PLAT: variants seen among roughly 807,000 people sequenced by gnomAD.
The protein encoded by PLAT is tissue-type plasminogen activator.
PLAT carries 48 observed loss-of-function variants against 74.9 expected under a neutral mutation model. That is an observed-to-expected ratio of 0.64 (90% confidence interval 0.51 to 0.82). The LOEUF (loss-of-function observed/expected upper bound fraction) is 0.82, where lower values mean the gene tolerates loss of function less well. Among genes scored for constraint, PLAT ranks in the 40% least tolerant of loss-of-function variants. The pLI is 0.00. For missense variants in PLAT, 673 were observed against 736.2 expected (o/e 0.91, Z 0.99); for synonymous variants, 307 against 294.4 (o/e 1.04, Z -0.44).
At chr8:42,180,719 C>T (rs1564127031) in intron 9 of PLAT, 34 bp from the exon 10 acceptor site, 1 of 1,491,626 alleles carries the variant, frequency 6.7e-7, no homozygotes, top group East Asian at 2.3e-5. Flanking sequence ...CAGTCAGTCC[C>T]ACAGGCCTCC....
At chr8:42,191,312 C>G (rs1478829047) in intron 3 of PLAT, 60 bp downstream of exon 3, 1 of 1,431,990 alleles carries the variant, frequency 7.0e-7, no homozygotes, top group African/African-American at 1.4e-5. Flanking sequence ...GGTGATGCAC[C>G]CTGCACCCCG....
intron 1 of PLAT, chr8:42,195,784 A>G (rs1805882463): frequency 6.6e-6 from 1 of 151,882 alleles, no homozygotes; most frequent in Non-Finnish European, 1.5e-5. Context: ...CTCCCTCCCC[A>G]TTTCTCCTTG....
Position 42,176,035 on chromosome 8 carries a change from A to G in PLAT, c.1647T>C (p.Val549=). The G allele has an allele frequency of 1.2e-6, 2 of 1,614,090 alleles. No homozygotes were observed. Among genetic ancestry groups the G allele is most frequent in the Non-Finnish European group, 1.7e-6 (2 of 1,180,006 alleles). The change falls in exon 14 of 14, where the codon GTT becomes GTC. Residue 549 remains valine, a synonymous_variant. Coordinates refer to ENST00000220809, the MANE Select transcript of PLAT (RefSeq NM_000930.5). ...CACGAATCCAGTCTAGGTAGTTGGTAACCTTGGTGTACACACCCGGGACAT... is the reference window on the plus strand; with the variant it reads ...CACGAATCCAGTCTAGGTAGTTGGTGACCTTGGTGTACACACCCGGGACAT... ...QKDVPGVYTK[V]TNYLDWIRDN...
chr8:42,200,501 C>T (rs77562826), intron 1 of PLAT, among the ~76,000 whole-genome samples: 1 of 142,406 alleles, frequency 7.0e-6, no homozygotes, highest in African/African-American at 2.5e-5. Flanking sequence ...ATGGCAAAAC[C>T]CCATCTCAAC....
At chr8:42,187,055 C>A in intron 6 of PLAT, 2 of 195,872 alleles carry the variant, frequency 1.0e-5, no homozygotes, top group Non-Finnish European at 2.1e-5. Flanking sequence ...CATCTATCTA[C>A]CATCTATCAT....
chr8:42,182,167 G>A lies in PLAT; in HGVS notation c.804-145C>T, dbSNP rs577826651. 1.6e-3 allele frequency: 913 copies of A among 581,432 alleles called. 5 individuals are homozygous for A. Among genetic ancestry groups the A allele is most frequent in the South Asian group, 4.9e-3 (264 of 53,922 alleles). The allele number at this position is 581,432 out of a possible 1,614,324, so 36.0% of individuals were successfully genotyped here. On this transcript the variant is annotated intron_variant, in intron 8 of 13. Transcript: ENST00000220809. ...CTGCCTCAGCCTCCCAAAGTGCTGG[G>A]ATTACAGGCATGCACCACCACACCA... is the stretch of plus-strand genomic sequence containing the variant.
intron 1 of PLAT, among the ~76,000 whole-genome samples, chr8:42,200,083 T>C (rs769031558): frequency 2.0e-5 from 3 of 152,246 alleles, no homozygotes; most frequent in Non-Finnish European, 4.4e-5. Context: ...ACATTATTGT[T>C]GCCTGAGAAA....
chr8:42,181,602 G>A (rs552811029), intron 9 of PLAT, among the ~76,000 whole-genome samples: 1 of 152,310 alleles, frequency 6.6e-6, no homozygotes, highest in Non-Finnish European at 1.5e-5. Flanking sequence ...TATTATCTAA[G>A]GAGCCATGCA....
chr8:42,199,315 A>G (rs1298707632), intron 1 of PLAT, among the ~76,000 whole-genome samples: 1 of 152,144 alleles, frequency 6.6e-6, no homozygotes, highest in Admixed American at 6.6e-5. Flanking sequence ...AGAGTATAGC[A>G]TCCTCTCAGA....
intron 1 of PLAT, among the ~76,000 whole-genome samples, chr8:42,198,611 T>C (rs762627743): frequency 8.5e-5 from 13 of 152,234 alleles, no homozygotes; most frequent in Non-Finnish European, 1.9e-4. Context: ...GTCTGTACTC[T>C]TGCCAGCAAG....
chr8:42,186,730 CTCTA>C (rs1563257139), intron 6 of PLAT: 1 of 152,062 alleles, frequency 6.6e-6, no homozygotes, highest in Non-Finnish European at 1.5e-5. Flanking sequence ...CTTTCTCTAT[CTCTA>C]TCTCTCTATC....
intron 6 of PLAT, 122 bp downstream of exon 6, chr8:42,187,276 T>C (rs1239642830): frequency 1.4e-6 from 1 of 708,980 alleles, no homozygotes; most frequent in Non-Finnish European, 2.2e-6. Flanking sequence ...CTATCATCTA[T>C]CCATCTATCC....
intron 1 of PLAT, among the ~76,000 whole-genome samples, chr8:42,196,677 C>T (rs1805921349): frequency 1.3e-5 from 2 of 151,976 alleles, no homozygotes; most frequent in South Asian, 4.2e-4. Context: ...TGGGCCTCAC[C>T]AAAGGGAGGT....
chr8:42,197,417 G>C (rs1173734975), intron 1 of PLAT, among the ~76,000 whole-genome samples: 1 of 152,200 alleles, frequency 6.6e-6, no homozygotes, highest in African/African-American at 2.4e-5. Flanking sequence ...GGGGAAAACG[G>C]GAACAATAGT....
intron 1 of PLAT, among the ~76,000 whole-genome samples, chr8:42,196,996 T>A (rs1206438493): frequency 2.0e-5 from 3 of 151,772 alleles, no homozygotes; most frequent in Non-Finnish European, 4.4e-5. Context: ...AGAGGAGAGG[T>A]GGAATGCTGG....
At chr8:42,200,832 CTT>C (rs939148071) in intron 1 of PLAT, among the ~76,000 whole-genome samples, 1 of 146,916 alleles carries the variant, frequency 6.8e-6, no homozygotes, top group Non-Finnish European at 1.5e-5. Context: ...CCAATTGTAA[CTT>C]TTTTTTTTTT....
chr8:42,187,846 GGGC>G (rs1353226980), intron 5 of PLAT, 57 bp downstream of exon 5: 2 of 1,183,138 alleles, frequency 1.7e-6, no homozygotes, highest in Non-Finnish European at 2.5e-6. Flanking sequence ...TTCCTTCCGG[GGGC>G]GGGGGAGACT....
At chr8:42,190,391 AT>A (rs1485210156) in intron 3 of PLAT, among the ~76,000 whole-genome samples, 1 of 152,196 alleles carries the variant, frequency 6.6e-6, no homozygotes, top group African/African-American at 2.4e-5. Flanking sequence ...TTCTCCAAGT[AT>A]TTTTGGCATA....
chr8:42,177,497 C>T (rs1397662461), intron 13 of PLAT, among the ~76,000 whole-genome samples: 1 of 152,152 alleles, frequency 6.6e-6, no homozygotes, highest in African/African-American at 2.4e-5. Context: ...GGCTTGGCTC[C>T]ATCACTTACT....
Sources: gnomAD v4.1 joint callset for allele counts (sites outside exome capture counted in the v4.1 genomes callset) on GRCh38, gnomAD v4.1.1 for gene constraint, MANE v1.5 for transcripts, NCBI Gene and HGNC (gene_info 2026-07-23, HGNC 2026-07-21) for gene names.